Variants in PCDHGA5 observed in about 807,000 individuals in gnomAD.
The protein encoded by PCDHGA5 is protocadherin gamma subfamily A, 5, also known as protocadherin gamma-A5.
In PCDHGA5, 36 loss-of-function variants were observed where a neutral mutation model predicts 56.7. The ratio of observed to expected loss-of-function variants is 0.64; its 90% CI spans 0.49 to 0.84. PCDHGA5 has a LOEUF of 0.84. Ranked by LOEUF, PCDHGA5 falls within the 40% of genes least tolerant of loss-of-function variation. The pLI is 0.00. For synonymous variants in PCDHGA5, 563 were observed against 520.2 expected, an observed-to-expected ratio of 1.08 and a Z score of -1.12; for missense variants, 1,305 against 1,201.5, an observed-to-expected ratio of 1.09 and a Z score of -1.27.
rs567934336 is a variant in PCDHGA5, at chr5:141,368,320, A to G, written c.2421+1569A>G. 5.3e-5 allele frequency among the ~76,000 whole-genome samples: 8 copies of G among 152,298 alleles called. No homozygotes were observed. The East Asian group carries it at 1.5e-3, about 29-fold the overall frequency. ...TTTAAACACTGTTAAAGAGCATTCA[A>G]GTATATCTATATCTATATACATATA... On this transcript the variant is annotated intron_variant, in intron 1 of 3. Transcript: ENST00000518069.
chr5:141,382,990 A>T, intron 1 of PCDHGA5: 4 of 1,613,412 alleles, frequency 2.5e-6, no homozygotes, highest in Non-Finnish European at 3.4e-6. Context: ...GGCAGGACGT[A>T]TTCTCTACTC....
At chr5:141,372,087 C>T in intron 1 of PCDHGA5, 1 of 1,613,740 alleles carries the variant, frequency 6.2e-7, no homozygotes, top group South Asian at 1.1e-5. Context: ...GGTGCTGTAC[C>T]CAGCTCTGGG....
intron 1 of PCDHGA5, chr5:141,375,869 A>G (rs767048735): frequency 1.2e-6 from 2 of 1,613,850 alleles, no homozygotes; most frequent in Admixed American, 1.7e-5. Context: ...GGCGGTGGAC[A>G]GAGACTCGGG....
At chr5:141,478,019 C>T in intron 1 of PCDHGA5, 1 of 1,614,136 alleles carries the variant, frequency 6.2e-7, no homozygotes, top group Non-Finnish European at 8.5e-7. Flanking sequence ...CCGTCCAGTC[C>T]AAGACACAGA....
At chr5:141,501,883 G>A (rs1204174131) in intron 2 of PCDHGA5, among the ~76,000 whole-genome samples, 1 of 152,022 alleles carries the variant, frequency 6.6e-6, no homozygotes, top group African/African-American at 2.4e-5. Flanking sequence ...TTACACTCCT[G>A]ATCATCATGG....
chr5:141,432,706 C>G lies in PCDHGA5; in HGVS notation c.2422-62101C>G, dbSNP rs761752571. The G allele has an allele frequency of 6.2e-7, 1 of 1,613,988 alleles. No homozygotes were observed. Among genetic ancestry groups the G allele is most frequent in the African/African-American group, 1.3e-5 (1 of 75,072 alleles). Reference sequence around the variant, plus strand: ...GCCTCGTAGTGGCCGTCCAGGACCACGGCCAGCCCCCTCTCTCCGCCACTG... The same window carrying G: ...GCCTCGTAGTGGCCGTCCAGGACCAGGGCCAGCCCCCTCTCTCCGCCACTG... On this transcript the variant is annotated intron_variant, in intron 1 of 3. Transcript: ENST00000518069. The surrounding 1 kb of genome is among the most constrained non-coding windows in gnomAD (Gnocchi z 6.0).
chr5:141,450,479 G>GTTTT (rs1165567597), intron 1 of PCDHGA5, among the ~76,000 whole-genome samples: 124 of 152,020 alleles, frequency 8.2e-4, no homozygotes, highest in African/African-American at 2.9e-3. Flanking sequence ...GAGTTTGTTT[G>GTTTT]TTTGTTTGTC....
intron 1 of PCDHGA5, chr5:141,385,109 C>A: frequency 6.2e-7 from 1 of 1,614,174 alleles, no homozygotes; most frequent in South Asian, 1.1e-5. Flanking sequence ...AACGTGCCCA[C>A]CTCGCACTTT....
intron 1 of PCDHGA5, among the ~76,000 whole-genome samples, chr5:141,448,434 GA>G (rs1297090877): frequency 1.3e-5 from 2 of 152,050 alleles, no homozygotes; most frequent in South Asian, 4.2e-4. Flanking sequence ...TATATATTGA[GA>G]AGTCTGACTT....
chr5:141,433,234 C>T (rs773942024), intron 1 of PCDHGA5: 3 of 1,512,746 alleles, frequency 2.0e-6, no homozygotes, highest in Middle Eastern at 1.8e-4. Flanking sequence ...TGCTCTGTCT[C>T]CCAAGCTGGA....
intron 1 of PCDHGA5, among the ~76,000 whole-genome samples, chr5:141,488,238 C>T (rs374846692): frequency 5.3e-5 from 8 of 152,036 alleles, no homozygotes; most frequent in Non-Finnish European, 1.0e-4. Flanking sequence ...GAACTAGATG[C>T]GGTAAATTGG....
intron 1 of PCDHGA5, chr5:141,492,023 C>T: frequency 1.8e-6 from 1 of 564,804 alleles, no homozygotes; most frequent in Non-Finnish European, 3.0e-6. Context: ...TCGGGGGTCC[C>T]GGGAGGAGGC....
intron 1 of PCDHGA5, chr5:141,392,685 A>C: frequency 8.3e-6 from 9 of 1,078,992 alleles, no homozygotes; most frequent in Non-Finnish European, 1.2e-5. Context: ...ACTGCAGCGA[A>C]ACCCGACCCC....
At chr5:141,480,591 T>G (rs557048485) in intron 1 of PCDHGA5, among the ~76,000 whole-genome samples, 1 of 138,080 alleles carries the variant, frequency 7.2e-6, no homozygotes, top group South Asian at 2.2e-4. Flanking sequence ...GCCGCTCTTC[T>G]GGTCAGCCTG....
Position 141,485,369 on chromosome 5 carries a change from G to T in PCDHGA5, c.2422-9438G>T. On this transcript the variant is annotated intron_variant, in intron 1 of 3. Transcript: ENST00000518069. This position sits in a 1 kb window ranked among gnomAD's most constrained non-coding sequence, Gnocchi z 5.7. ...CAGTCTGTCAGCTCGCAGGCTGCAG[G>T]TCGCTGGAGAGGTGAACCAAAGACA... 1 of 1,614,154 alleles carries T rather than the reference G, an allele frequency of 6.2e-7. No individual in the cohort carries two copies. The highest frequency in any genetic ancestry group is 1.1e-5 in the South Asian group (1 of 91,088).
At chr5:141,375,928 A>G (rs3749773) in intron 1 of PCDHGA5, 89,673 of 1,613,560 alleles carry the variant, frequency 0.056, 2,973 homozygotes, top group African/African-American at 0.14. Context: ...GCGAGCCAGG[A>G]CTTTTCTCAG....
intron 1 of PCDHGA5, chr5:141,403,656 C>G: frequency 6.2e-7 from 1 of 1,613,894 alleles, no homozygotes. Flanking sequence ...GTGTTGGATA[C>G]AAATGATAAT....
At chr5:141,374,020 G>T in intron 1 of PCDHGA5, 1 of 1,408,826 alleles carries the variant, frequency 7.1e-7, no homozygotes, top group Non-Finnish European at 9.3e-7. Context: ...TCTGAGAAGA[G>T]CAAAAGTGAT....
chr5:141,396,911 T>C (rs756096789), intron 1 of PCDHGA5, among the ~76,000 whole-genome samples: 3 of 152,238 alleles, frequency 2.0e-5, no homozygotes, highest in Non-Finnish European at 4.4e-5. Context: ...CACTTTGCAA[T>C]TTTAAAAACT....
Sources: gnomAD v4.1 joint callset for allele counts (sites outside exome capture counted in the v4.1 genomes callset) on GRCh38, gnomAD v4.1.1 for gene constraint, Gnocchi (gnomAD v3.1) non-coding constraint, MANE v1.5 for transcripts, NCBI Gene and HGNC (gene_info 2026-07-23, HGNC 2026-07-21) for gene names.